The following S100A7A variants were observed in gnomAD, a reference collection of about 807,000 sequenced individuals.
The protein encoded by S100A7A is protein S100-A7A.
A neutral mutation model predicts 4.0 loss-of-function variants in S100A7A; 5 were observed. That is an observed-to-expected ratio of 1.26 (90% CI 0.66 to 2.66). S100A7A has a LOEUF of 2.66. Ranked by LOEUF, S100A7A falls within the 30% of genes most tolerant of loss-of-function variation. S100A7A has a pLI of 0.01. For missense variants in S100A7A, 159 were observed against 125.1 expected, an observed-to-expected ratio of 1.27 and a Z score of -1.29; for synonymous variants, 52 against 46.4, an observed-to-expected ratio of 1.12 and a Z score of -0.49.
chr1:153,418,262 T>C, intron 2 of S100A7A, 39 bp downstream of exon 2: 1 of 1,604,934 alleles, frequency 6.2e-7, no homozygotes, highest in East Asian at 2.2e-5. Flanking sequence ...GGTTGGACCC[T>C]GGCATGGCTG....
intron 2 of S100A7A, among the ~76,000 whole-genome samples, chr1:153,418,745 G>T (rs558091594): frequency 6.6e-6 from 1 of 152,198 alleles, no homozygotes; most frequent in Non-Finnish European, 1.5e-5. Flanking sequence ...AAAAGGAGAA[G>T]AAAGGAGAGG....
chr1:153,423,123 G>T lies in S100A7A; in HGVS notation c.*3814G>T, dbSNP rs921095057. ...AAGCTTCAGTGCTCTCCTTTCTTTG[G>T]CCTTAATATTATTGGATTAAAGAAT... On this transcript the variant is annotated 3_prime_UTR_variant, in exon 3 of 3. Transcript: ENST00000368729. The T allele has an allele frequency of 1.3e-5, 2 of 151,944 alleles. No homozygotes were observed. The highest frequency in any genetic ancestry group is 2.9e-5 in the Non-Finnish European group (2 of 67,976). 9.4% of individuals were successfully genotyped at this position (151,944 alleles called of 1,614,324 possible). A position where few individuals can be genotyped will look rare whatever the true frequency, so the allele number is the denominator to read the frequency against.
intron 2 of S100A7A, among the ~76,000 whole-genome samples, chr1:153,418,719 A>G (rs1287753113): frequency 6.6e-6 from 1 of 152,238 alleles, no homozygotes; most frequent in Non-Finnish European, 1.5e-5. Flanking sequence ...GGGAACCCAG[A>G]AGATGAGTTT....
At chr1:153,416,732 T>A (rs1227205503) in intron 1 of S100A7A, among the ~76,000 whole-genome samples, 169 bp downstream of exon 1, 2 of 152,212 alleles carry the variant, frequency 1.3e-5, no homozygotes, top group African/African-American at 4.8e-5. Context: ...AAAGCCCACG[T>A]CTGTACAACC....
In S100A7A at chr1:153,417,999, C is replaced by T. The variant is rs1417438165; in HGVS notation, c.-17-67C>T. On this transcript the variant is annotated intron_variant, in intron 1 of 2. Transcript: ENST00000368729. ...TTTTACTCTGTCCTCAGCCCTCCTT[C>T]TAACACCCCCACATAGAGACCTTAA... is the stretch of plus-strand genomic sequence containing the variant. 10 of 1,581,308 alleles carry T rather than the reference C, an allele frequency of 6.3e-6. No homozygotes were observed. The East Asian group carries it at 2.0e-4, about 32-fold the overall frequency.
intron 1 of S100A7A, chr1:153,417,255 T>G (rs994128856): frequency 2.6e-5 from 4 of 152,300 alleles, no homozygotes; most frequent in African/African-American, 9.6e-5. Context: ...GGCTGGCTAC[T>G]GGCTGGAAGA....
chr1:153,419,422 A>G lies in S100A7A; in HGVS notation c.*113A>G. 3 of 1,208,690 alleles carry G rather than the reference A, an allele frequency of 2.5e-6. No homozygotes were observed. Among genetic ancestry groups the G allele is most frequent in the Non-Finnish European group, 3.5e-6 (3 of 868,472 alleles). The allele number at this position is 1,208,690 out of a possible 1,614,324, so 74.9% of individuals were successfully genotyped here. On this transcript the variant is annotated 3_prime_UTR_variant, in exon 3 of 3. Transcript: ENST00000368729. The stretch of plus-strand genomic sequence containing the variant: ...GGTGACCTACATTGTCAAAACTACC[A>G]ATTCCAGGTTAACTTTGTTGGAGAA...
In S100A7A at chr1:153,419,412, C is replaced by T; in HGVS notation, c.*103C>T. 1 of 1,270,586 alleles carries T rather than the reference C, an allele frequency of 7.9e-7. No homozygotes were observed. Among genetic ancestry groups the T allele is most frequent in the East Asian group, 2.4e-5 (1 of 41,042 alleles). 78.7% of individuals were successfully genotyped at this position (1,270,586 alleles called of 1,614,324 possible). On this transcript the variant is annotated 3_prime_UTR_variant, in exon 3 of 3. Transcript: ENST00000368729. ...TCTTCTCTTTGGTGACCTACATTGT[C>T]AAAACTACCAATTCCAGGTTAACTT...
rs1361959382 is a variant in S100A7A at position 153,423,135 on chromosome 1, T to C, written c.*3826T>C. The C allele has an allele frequency of 2.0e-5, 3 of 152,210 alleles. No individual in the cohort carries two copies. The highest frequency in any genetic ancestry group is 7.2e-5 in the African/African-American group (3 of 41,464). The allele number at this position is 152,210 out of a possible 1,614,324, so 9.4% of individuals were successfully genotyped here. On this transcript the variant is annotated 3_prime_UTR_variant, in exon 3 of 3. Transcript: ENST00000368729. ...TCTCCTTTCTTTGGCCTTAATATTA[T>C]TGGATTAAAGAATTACTGCCTCTCA...
At position 153,418,162 on chromosome 1, in the gene S100A7A, T is replaced by C. The variant is rs1177547950; in HGVS notation, c.80T>C (p.Ile27Thr). The C allele has an allele frequency of 1.2e-6, 2 of 1,613,848 alleles. No homozygotes were observed. The highest frequency in any genetic ancestry group is 1.1e-5 in the South Asian group (1 of 91,066). ...FHKYTGRDGK[I>T]EKPSLLTMMK... is the part of the protein sequence containing the mutation. Reference sequence around the variant, plus strand: ...AAATACACCGGACGTGATGGCAAGATTGAGAAGCCAAGCCTGCTGACGATG... The same window carrying C: ...AAATACACCGGACGTGATGGCAAGACTGAGAAGCCAAGCCTGCTGACGATG... Residue 27 changes from isoleucine to threonine, a missense_variant, in exon 2 of 3, where the codon ATT (isoleucine) becomes ACT (threonine). Physicochemically the swap from Ile to Thr is moderately conservative, Grantham distance 89 (BLOSUM62 -1). Transcript: ENST00000368729.
At position 153,419,110 on chromosome 1, in the gene S100A7A, G is replaced by C. The variant is rs149640527; in HGVS notation, c.142-35G>C. ...CCCAGCCCAAAACTTGTTTGTGATT[G>C]AATTTTTCTATTTTGTATGTTTTTC... On this transcript the variant is annotated intron_variant, in intron 2 of 2. Transcript: ENST00000368729. 66 of 1,606,864 alleles carry C rather than the reference G, an allele frequency of 4.1e-5. 1 individual carries two copies. In the African/African-American group the frequency reaches 7.0e-4, roughly 17 times the overall value.
Position 153,419,416 on chromosome 1 carries a change from A to G in S100A7A, c.*107A>G, listed in dbSNP as rs571915019. ...CTCTTTGGTGACCTACATTGTCAAAACTACCAATTCCAGGTTAACTTTGTT... is the reference window on the plus strand; with the variant it reads ...CTCTTTGGTGACCTACATTGTCAAAGCTACCAATTCCAGGTTAACTTTGTT... On this transcript the variant is annotated 3_prime_UTR_variant, in exon 3 of 3. Transcript: ENST00000368729. 4.0e-6 allele frequency: 5 copies of G among 1,261,072 alleles called. No individual in the cohort carries two copies. The African/African-American group carries it at 7.6e-5, about 19-fold the overall frequency. 78.1% of individuals were successfully genotyped at this position (1,261,072 alleles called of 1,614,324 possible).
At chr1:153,416,823 G>C (rs1469213781) in intron 1 of S100A7A, among the ~76,000 whole-genome samples, 1 of 152,236 alleles carries the variant, frequency 6.6e-6, no homozygotes, top group African/African-American at 2.4e-5. Flanking sequence ...AGTGGGACCT[G>C]AGCACAGGAC....
chr1:153,418,527 A>C (rs1662800215), intron 2 of S100A7A, among the ~76,000 whole-genome samples: 1 of 152,170 alleles, frequency 6.6e-6, no homozygotes. Flanking sequence ...ACTGAAACTC[A>C]CATGCTCAGG....
chr1:153,417,864 C>G, intron 1 of S100A7A: 1 of 579,518 alleles, frequency 1.7e-6, no homozygotes, highest in South Asian at 2.3e-5. Context: ...CTTCTTGGCC[C>G]TGGCCAGGAT....
rs1376619506 is a variant in S100A7A at position 153,419,564 on chromosome 1, G to A, written c.*255G>A. 1 of 497,436 alleles carries A rather than the reference G, an allele frequency of 2.0e-6. No individual in the cohort carries two copies. The highest frequency in any genetic ancestry group is 3.5e-6 in the Non-Finnish European group (1 of 282,222). 30.8% of individuals were successfully genotyped at this position (497,436 alleles called of 1,614,324 possible). The stretch of plus-strand genomic sequence containing the variant: ...CACACAGGTCCTGGTGTCTGCCTCT[G>A]CACCGTTCCCTAAATGCAGCCACCT... On this transcript the variant is annotated 3_prime_UTR_variant, in exon 3 of 3. Coordinates refer to ENST00000368729, the MANE Select transcript of S100A7A (RefSeq NM_176823.4).
chr1:153,418,361 G>A (rs1571184709), intron 2 of S100A7A, 138 bp downstream of exon 2: 1 of 1,155,440 alleles, frequency 8.7e-7, no homozygotes, highest in Non-Finnish European at 1.2e-6. Context: ...TTTATTGCTT[G>A]GATCATATGT....
chr1:153,417,860 G>A, intron 1 of S100A7A: 1 of 554,464 alleles, frequency 1.8e-6, no homozygotes, highest in Non-Finnish European at 3.1e-6. Context: ...ATCTCTTCTT[G>A]GCCCTGGCCA....
intron 2 of S100A7A, among the ~76,000 whole-genome samples, chr1:153,418,840 T>C (rs1466025424): frequency 6.6e-6 from 1 of 152,136 alleles, no homozygotes; most frequent in Non-Finnish European, 1.5e-5. Context: ...CCTTAAATGC[T>C]GGGAACAGGC....
Sources: allele counts gnomAD v4.1 joint callset (sites outside exome capture counted in the v4.1 genomes callset), GRCh38; gene constraint gnomAD v4.1.1; transcripts MANE v1.5; gene names NCBI Gene and HGNC (gene_info 2026-07-23, HGNC 2026-07-21).